Variants in CACNA2D3 observed in about 807,000 individuals in gnomAD.
CACNA2D3 encodes calcium voltage-gated channel auxiliary subunit alpha2delta 3, also known as voltage-dependent calcium channel subunit alpha-2/delta-3.
In CACNA2D3, 60 loss-of-function variants were observed where a neutral mutation model predicts 160.6. The observed-to-expected ratio is 0.37, with a 90% CI of 0.30 to 0.46. The LOEUF is 0.46. Among genes scored for constraint, CACNA2D3 ranks in the 20% least tolerant of loss-of-function variants. The probability of loss-of-function intolerance (pLI) is 1.00; values close to 1 mark genes in which losing one functional copy is unlikely to be tolerated. For synonymous variants in CACNA2D3, 558 were observed against 492.9 expected (o/e 1.13, Z -1.75); for missense variants, 1,205 against 1,365.0 (o/e 0.88, Z 1.85).
At position 54,837,231 on chromosome 3, in the gene CACNA2D3, G is replaced by A. The variant is rs749129108; in HGVS notation, c.1470+1G>A. 6 of 1,613,362 alleles carry A rather than the reference G, an allele frequency of 3.7e-6. No homozygotes were observed. Among genetic ancestry groups the A allele is most frequent in the East Asian group, 2.2e-5 (1 of 44,880 alleles). ...TGTGTTTAGTAAGCAGAACGAAACC[G>A]TGAGTACAGTCGCTGAGCTTCCTGC... On this transcript the variant is annotated splice_donor_variant, in intron 15 of 37. Transcript: ENST00000474759. LOFTEE classifies it high-confidence loss of function.
intron 5 of CACNA2D3, among the ~76,000 whole-genome samples, chr3:54,510,321 T>C (rs1701440207): frequency 6.6e-6 from 1 of 152,038 alleles, no homozygotes; most frequent in African/African-American, 2.4e-5. Context: ...TGCTCTGTAG[T>C]GAGGACTTTC....
At chr3:54,285,053 A>G (rs1462070755) in intron 2 of CACNA2D3, among the ~76,000 whole-genome samples, 4 of 152,212 alleles carry the variant, frequency 2.6e-5, no homozygotes. Context: ...TACCGGGTTC[A>G]TCTTACTAGG....
At chr3:54,897,496 C>G (rs1271873051) in intron 26 of CACNA2D3, among the ~76,000 whole-genome samples, 4 of 152,070 alleles carry the variant, frequency 2.6e-5, no homozygotes, top group Non-Finnish European at 4.4e-5. Context: ...CTTCAGTTTT[C>G]CTCGTATTTT....
chr3:54,745,306 C>T (rs750609433), intron 11 of CACNA2D3, among the ~76,000 whole-genome samples: 2 of 152,148 alleles, frequency 1.3e-5, no homozygotes, highest in African/African-American at 4.8e-5. Context: ...TTGTCTGATA[C>T]CTGGTCCTGG....
intron 27 of CACNA2D3, among the ~76,000 whole-genome samples, chr3:54,914,517 C>T (rs909878822): frequency 2.0e-5 from 3 of 152,050 alleles, no homozygotes; most frequent in African/African-American, 4.8e-5. Flanking sequence ...AATGAATATT[C>T]AGTGTGATTG....
chr3:54,670,501 A>G (rs1038909413), intron 11 of CACNA2D3, among the ~76,000 whole-genome samples: 1 of 152,108 alleles, frequency 6.6e-6, no homozygotes, highest in African/African-American at 2.4e-5. Context: ...CCATCTGGCC[A>G]CTCTGTAAGA....
At chr3:54,467,769 G>C (rs1009314339) in intron 4 of CACNA2D3, among the ~76,000 whole-genome samples, 1 of 152,130 alleles carries the variant, frequency 6.6e-6, no homozygotes, top group Non-Finnish European at 1.5e-5. Context: ...TGATAGGTAC[G>C]AACTACAGTT....
At chr3:54,410,218 G>T (rs1396695394) in intron 4 of CACNA2D3, among the ~76,000 whole-genome samples, 1 of 152,160 alleles carries the variant, frequency 6.6e-6, no homozygotes, top group Non-Finnish European at 1.5e-5. Context: ...GCCAGGCGTG[G>T]TGGCTTGCAT....
At chr3:54,352,036 C>T (rs1240631068) in intron 3 of CACNA2D3, among the ~76,000 whole-genome samples, 1 of 152,188 alleles carries the variant, frequency 6.6e-6, no homozygotes, top group Non-Finnish European at 1.5e-5. Flanking sequence ...ATGACCTGTA[C>T]TGCATGGATA....
chr3:54,744,193 C>T (rs1010751846), intron 11 of CACNA2D3, among the ~76,000 whole-genome samples: 1 of 152,154 alleles, frequency 6.6e-6, no homozygotes, highest in Non-Finnish European at 1.5e-5. Flanking sequence ...ACAAAACTGT[C>T]GCAGAATGGG....
chr3:54,392,014 C>T (rs908642107), intron 4 of CACNA2D3, among the ~76,000 whole-genome samples: 2 of 152,082 alleles, frequency 1.3e-5, no homozygotes, highest in African/African-American at 4.8e-5. Flanking sequence ...CTTTATGCTG[C>T]GAATTAACAT....
chr3:54,637,004 G>C (rs570083114), intron 10 of CACNA2D3, among the ~76,000 whole-genome samples: 2 of 151,950 alleles, frequency 1.3e-5, no homozygotes, highest in Non-Finnish European at 2.9e-5. Flanking sequence ...GGTAGTAGAG[G>C]GAGGTATTGA....
chr3:54,161,190 A>G (rs919990340), intron 2 of CACNA2D3, among the ~76,000 whole-genome samples: 1 of 152,200 alleles, frequency 6.6e-6, no homozygotes, highest in Admixed American at 6.5e-5. Flanking sequence ...CTAACCAGCA[A>G]TGACCATACA....
chr3:54,440,851 G>A (rs1218793340), intron 4 of CACNA2D3, among the ~76,000 whole-genome samples: 2 of 152,182 alleles, frequency 1.3e-5, no homozygotes, highest in Non-Finnish European at 2.9e-5. Context: ...ATTCCATGGT[G>A]TATATGTGCC....
chr3:54,872,827 G>A (rs538063126), intron 18 of CACNA2D3, among the ~76,000 whole-genome samples: 30 of 152,108 alleles, frequency 2.0e-4, no homozygotes, highest in African/African-American at 6.7e-4. Context: ...CCTTTTCCCC[G>A]CAAGCCAATG....
At chr3:54,413,737 T>G (rs1304589294) in intron 4 of CACNA2D3, among the ~76,000 whole-genome samples, 1 of 151,486 alleles carries the variant, frequency 6.6e-6, no homozygotes, top group South Asian at 2.1e-4. Flanking sequence ...TTCCTGGATT[T>G]TCATTAAATC....
At chr3:54,640,064 T>C (rs1218111927) in intron 10 of CACNA2D3, among the ~76,000 whole-genome samples, 5 of 152,140 alleles carry the variant, frequency 3.3e-5, no homozygotes, top group Non-Finnish European at 7.3e-5. Context: ...TACACTTCTT[T>C]TGTGGTGGAA....
intron 2 of CACNA2D3, among the ~76,000 whole-genome samples, chr3:54,226,091 A>T (rs907512884): frequency 6.6e-6 from 1 of 151,948 alleles, no homozygotes; most frequent in Non-Finnish European, 1.5e-5. Flanking sequence ...GCGTTTCTCA[A>T]TGTCATTGGC....
At chr3:54,644,906 A>G (rs748630116) in intron 11 of CACNA2D3, among the ~76,000 whole-genome samples, 3 of 152,202 alleles carry the variant, frequency 2.0e-5, no homozygotes, top group Admixed American at 6.5e-5. Context: ...GCTGCCGTCT[A>G]TTGACTTTTA....
Sources: gnomAD v4.1 joint callset for allele counts (sites outside exome capture counted in the v4.1 genomes callset) on GRCh38, gnomAD v4.1.1 for gene constraint, MANE v1.5 for transcripts, NCBI Gene and HGNC (gene_info 2026-07-23, HGNC 2026-07-21) for gene names.